The following RPS6KC1 variants were observed in gnomAD, a reference collection of about 807,000 sequenced individuals.
RPS6KC1 encodes the protein ribosomal protein S6 kinase C1.
RPS6KC1 carries 54 observed loss-of-function variants against 103.8 expected under a neutral mutation model. That is an observed-to-expected ratio of 0.52 (90% CI 0.42 to 0.65). RPS6KC1 has a LOEUF of 0.65. Among genes scored for constraint, RPS6KC1 ranks in the 30% least tolerant of loss-of-function variants. RPS6KC1 has a pLI of 0.00. For synonymous variants in RPS6KC1, 439 were observed against 438.7 expected, an observed-to-expected ratio of 1.00 and a Z score of -0.01; for missense variants, 1,151 against 1,253.8, an observed-to-expected ratio of 0.92 and a Z score of 1.24.
the RPS6KC1 span, among the ~76,000 whole-genome samples, chr1:213,298,749 AT>A: frequency 1.3e-5 from 2 of 151,938 alleles, no homozygotes; most frequent in Non-Finnish European, 2.9e-5. Flanking sequence ...ATAGCATCTT[AT>A]TCTTGTTTTA....
chr1:213,684,537 T>C, the RPS6KC1 span, among the ~76,000 whole-genome samples: 4 of 152,198 alleles, frequency 2.6e-5, no homozygotes, highest in African/African-American at 9.7e-5. Flanking sequence ...TCCATCCCTG[T>C]TAGGTTACAC....
chr1:213,817,546 C>T, the RPS6KC1 span, among the ~76,000 whole-genome samples: 9 of 152,296 alleles, frequency 5.9e-5, no homozygotes, highest in East Asian at 3.9e-4. Flanking sequence ...CTTTCAAATA[C>T]GGACACTCCT....
chr1:213,341,357 CAA>C, the RPS6KC1 span, among the ~76,000 whole-genome samples: 1 of 152,190 alleles, frequency 6.6e-6, no homozygotes, highest in Non-Finnish European at 1.5e-5. Context: ...TAATAGGAAG[CAA>C]AGTCTTCAGC....
chr1:213,078,953 G>GT (rs2079606683), intron 3 of RPS6KC1, among the ~76,000 whole-genome samples: 2 of 151,992 alleles, frequency 1.3e-5, no homozygotes, highest in South Asian at 4.2e-4. Flanking sequence ...TGTGTATGGT[G>GT]TATTTTTGTG....
At chr1:213,071,676 A>C (rs554719197) in intron 2 of RPS6KC1, among the ~76,000 whole-genome samples, 1 of 152,238 alleles carries the variant, frequency 6.6e-6, no homozygotes, top group Non-Finnish European at 1.5e-5. Flanking sequence ...ATGCCTGTGT[A>C]ATAAAAAGTA....
the RPS6KC1 span, among the ~76,000 whole-genome samples, chr1:213,661,272 A>G: frequency 3.2e-4 from 49 of 152,186 alleles, no homozygotes; most frequent in African/African-American, 1.1e-3. Flanking sequence ...GCCATGTCCT[A>G]TTGCAGAAAC....
intron 8 of RPS6KC1, among the ~76,000 whole-genome samples, chr1:213,208,460 G>A (rs2093416074): frequency 6.6e-6 from 1 of 152,160 alleles, no homozygotes; most frequent in Non-Finnish European, 1.5e-5. Context: ...TCACAGTGAT[G>A]TTGTGGTGTG....
intron 12 of RPS6KC1, among the ~76,000 whole-genome samples, chr1:213,256,903 T>C (rs780271498): frequency 1.3e-5 from 2 of 152,224 alleles, no homozygotes; most frequent in Admixed American, 1.3e-4. Flanking sequence ...TTTCTGCTTA[T>C]GTACTTGACT....
chr1:213,188,631 C>A (rs1432955639), intron 8 of RPS6KC1, among the ~76,000 whole-genome samples: 1 of 151,844 alleles, frequency 6.6e-6, no homozygotes, highest in Non-Finnish European at 1.5e-5. Context: ...AATACAATAC[C>A]TTTATAATAA....
At chr1:213,713,260 C>A in the RPS6KC1 span, among the ~76,000 whole-genome samples, 1 of 152,030 alleles carries the variant, frequency 6.6e-6, no homozygotes. Flanking sequence ...AGTTTCATAT[C>A]GTCCAAATTA....
At chr1:213,812,587 T>A in the RPS6KC1 span, among the ~76,000 whole-genome samples, 1 of 152,210 alleles carries the variant, frequency 6.6e-6, no homozygotes, top group Non-Finnish European at 1.5e-5. Context: ...TAAAGACAGT[T>A]CATTTAGGAA....
At chr1:213,283,911 T>G in the RPS6KC1 span, among the ~76,000 whole-genome samples, 1 of 151,992 alleles carries the variant, frequency 6.6e-6, no homozygotes, top group Non-Finnish European at 1.5e-5. Flanking sequence ...TTTATTCTCA[T>G]AGTTGAGGAA....
At chr1:213,453,032 CT>C in the RPS6KC1 span, among the ~76,000 whole-genome samples, 3 of 151,956 alleles carry the variant, frequency 2.0e-5, no homozygotes, top group African/African-American at 7.3e-5. Context: ...GAAGGAGCAT[CT>C]GACAAAGGTA....
At chr1:213,714,660 C>T in the RPS6KC1 span, among the ~76,000 whole-genome samples, 1 of 152,324 alleles carries the variant, frequency 6.6e-6, no homozygotes, top group East Asian at 1.9e-4. Context: ...TTGAATCCGT[C>T]CTCTGACCAA....
the RPS6KC1 span, among the ~76,000 whole-genome samples, chr1:213,623,357 C>T: frequency 1.2e-4 from 19 of 152,152 alleles, no homozygotes; most frequent in African/African-American, 4.3e-4. Context: ...ATCCATTTAT[C>T]TCGCCATTTA....
chr1:213,355,302 G>A, the RPS6KC1 span, among the ~76,000 whole-genome samples: 1 of 152,114 alleles, frequency 6.6e-6, no homozygotes, highest in African/African-American at 2.4e-5. Flanking sequence ...GGTGGAAGAA[G>A]GCTGGCGGGA....
the RPS6KC1 span, among the ~76,000 whole-genome samples, chr1:213,344,431 A>G: frequency 6.6e-6 from 1 of 152,252 alleles, no homozygotes; most frequent in Non-Finnish European, 1.5e-5. Context: ...CATGGTGCAA[A>G]TATGAAGTCA....
At chr1:213,395,534 G>A in the RPS6KC1 span, among the ~76,000 whole-genome samples, 1 of 152,170 alleles carries the variant, frequency 6.6e-6, no homozygotes, top group African/African-American at 2.4e-5. Flanking sequence ...AACTGGGCAG[G>A]CAGTGAGCTG....
Position 213,217,088 on chromosome 1 carries a change from C to T in RPS6KC1, c.1045-13409C>T, listed in dbSNP as rs369119132. Among the ~76,000 whole-genome samples, 14 of 151,556 alleles carry T rather than the reference C, an allele frequency of 9.2e-5. 1 individual carries two copies. Among genetic ancestry groups the T allele is most frequent in the African/African-American group, 3.2e-4 (13 of 40,996 alleles). ...AAACATCAATGAATCCAGGAGCTGG[C>T]TTTTTGAAAAGATCAACAAAATTGA... On this transcript the variant is annotated intron_variant, in intron 8 of 14. Coordinates refer to ENST00000366960, the MANE Select transcript of RPS6KC1 (RefSeq NM_012424.6).
Sources: allele counts gnomAD v4.1 joint callset (sites outside exome capture counted in the v4.1 genomes callset), GRCh38; gene constraint gnomAD v4.1.1; transcripts MANE v1.5; gene names NCBI Gene and HGNC (gene_info 2026-07-23, HGNC 2026-07-21).